ABR: variants seen among roughly 807,000 people sequenced by gnomAD.
ABR encodes the protein ABR activator of RhoGEF and GTPase, also known as active breakpoint cluster region-related protein.
ABR carries 35 observed loss-of-function variants against 107.2 expected under a neutral mutation model. The observed-to-expected ratio is 0.33, with a 90% confidence interval of 0.25 to 0.43. ABR has a LOEUF of 0.43. Ranked by LOEUF, ABR falls within the 20% of genes least tolerant of loss-of-function variation. ABR has a pLI of 1.00. For synonymous variants in ABR, 498 were observed against 462.0 expected, an observed-to-expected ratio of 1.08 and a Z score of -1.00; for missense variants, 815 against 1,115.2, an observed-to-expected ratio of 0.73 and a Z score of 3.83.
intron 1 of ABR, among the ~76,000 whole-genome samples, chr17:1,221,241 T>C (rs189440104): frequency 9.8e-4 from 149 of 152,268 alleles, no homozygotes; most frequent in African/African-American, 2.8e-3. Flanking sequence ...CTCTTATACC[T>C]CGAGGTGACT....
chr17:1,038,215 G>A (rs1408630227), intron 16 of ABR, among the ~76,000 whole-genome samples: 2 of 152,096 alleles, frequency 1.3e-5, no homozygotes, highest in African/African-American at 2.4e-5. Context: ...CTCCTTTCAG[G>A]CATCTACAGC....
At chr17:1,009,901 G>T in intron 20 of ABR, 117 bp from the exon 21 acceptor site, 1 of 875,008 alleles carries the variant, frequency 1.1e-6, no homozygotes, top group Non-Finnish European at 1.8e-6. Flanking sequence ...GGCCTTTGGG[G>T]AGCAGACCCC....
At chr17:1,143,343 A>G (rs372372313) in intron 1 of ABR, among the ~76,000 whole-genome samples, 19 of 1,290 alleles carry the variant, frequency 0.015, no homozygotes, top group East Asian at 0.028. Context: ...GGGACAGCTC[A>G]CTCCTGGGGG....
Position 1,051,530 on chromosome 17 carries a change from G to A in ABR, c.1562-896C>T, listed in dbSNP as rs1043834889. Among the ~76,000 whole-genome samples the A allele has an allele frequency of 6.6e-5, 10 of 152,122 alleles. No individual in the cohort carries two copies. The highest frequency in any genetic ancestry group is 1.4e-4 in the African/African-American group (6 of 41,406). On this transcript the variant is annotated intron_variant, in intron 14 of 22. Transcript: ENST00000302538. The surrounding 1 kb of genome is among the most constrained non-coding windows in gnomAD (Gnocchi z 4.3). Reference sequence around the variant, plus strand: ...ACCCAACTGCTGAGGCCACAGCACCGGCACGGACCCCAGGCCCTCTGCAAA... The same window carrying A: ...ACCCAACTGCTGAGGCCACAGCACCAGCACGGACCCCAGGCCCTCTGCAAA...
intron 16 of ABR, among the ~76,000 whole-genome samples, chr17:1,013,408 CCT>C (rs1370075449): frequency 6.8e-6 from 1 of 146,532 alleles, no homozygotes; most frequent in Non-Finnish European, 1.5e-5. Context: ...CAGGGCACAC[CCT>C]GTTACCCGCC....
At chr17:1,089,404 T>C in intron 4 of ABR, among the ~76,000 whole-genome samples, 1 of 152,226 alleles carries the variant, frequency 6.6e-6, no homozygotes, top group East Asian at 1.9e-4. Context: ...TCCTGTTTTT[T>C]ACAGATGAGG....
chr17:1,068,352 C>T (rs2034932687), intron 9 of ABR, among the ~76,000 whole-genome samples: 1 of 152,248 alleles, frequency 6.6e-6, no homozygotes, highest in African/African-American at 2.4e-5. Context: ...CTGAGCTATA[C>T]TTGGGGGCAC....
intron 16 of ABR, among the ~76,000 whole-genome samples, chr17:1,046,799 C>T (rs1369520406): frequency 6.6e-6 from 1 of 152,230 alleles, no homozygotes; most frequent in East Asian, 1.9e-4. Context: ...GGTACTTAAC[C>T]TCAGTACCCC....
At chr17:1,123,330 C>G (rs532042179) in intron 2 of ABR, among the ~76,000 whole-genome samples, 60 of 152,296 alleles carry the variant, frequency 3.9e-4, no homozygotes, top group South Asian at 3.1e-3. Flanking sequence ...GGGGCAGTCA[C>G]TCTAGCATCT....
intron 1 of ABR, among the ~76,000 whole-genome samples, chr17:1,198,436 T>C (rs1324521085): frequency 6.6e-6 from 1 of 151,398 alleles, no homozygotes; most frequent in Non-Finnish European, 1.5e-5. Flanking sequence ...TCTGCCTGAT[T>C]CTGCAATCAA....
intron 1 of ABR, among the ~76,000 whole-genome samples, chr17:1,144,183 T>C (rs576613771): frequency 6.6e-6 from 1 of 152,202 alleles, no homozygotes; most frequent in South Asian, 2.1e-4. Context: ...GAAAGACAGT[T>C]ATGTGCCCAC....
intron 1 of ABR, among the ~76,000 whole-genome samples, chr17:1,166,428 A>G (rs1336721402): frequency 6.6e-6 from 1 of 152,100 alleles, no homozygotes; most frequent in Non-Finnish European, 1.5e-5. Context: ...TGCAAAAGGC[A>G]CCACACTATG....
intron 1 of ABR, among the ~76,000 whole-genome samples, chr17:1,220,520 G>A (rs1270414822): frequency 2.0e-5 from 3 of 152,176 alleles, no homozygotes; most frequent in African/African-American, 7.2e-5. Flanking sequence ...ACACAGAGCG[G>A]TGGTGCAAAG....
intron 1 of ABR, among the ~76,000 whole-genome samples, chr17:1,209,285 CTT>C (rs913941234): frequency 1.4e-5 from 2 of 144,380 alleles, no homozygotes; most frequent in African/African-American, 2.5e-5. Flanking sequence ...TTGTTTCTTT[CTT>C]TTTTTTTTTG....
chr17:1,029,557 C>T (rs936975398), intron 16 of ABR, among the ~76,000 whole-genome samples: 2 of 152,270 alleles, frequency 1.3e-5, no homozygotes, highest in African/African-American at 2.4e-5. Context: ...GCAAAGTTAA[C>T]GAGGAGTTAA....
intron 16 of ABR, among the ~76,000 whole-genome samples, chr17:1,049,616 A>G (rs1372165171): frequency 1.3e-5 from 2 of 151,932 alleles, no homozygotes; most frequent in East Asian, 3.9e-4. Context: ...GCAGGACCCT[A>G]AGTCTTTCGG....
In ABR at chr17:1,179,571, CG is replaced by C. The variant is rs2042048065; in HGVS notation, c.61+95del. The C allele has an allele frequency of 7.7e-7, 1 of 1,293,702 alleles. No homozygotes were observed. Among genetic ancestry groups the C allele is most frequent in the Non-Finnish European group, 1.0e-6 (1 of 988,584 alleles). The allele number at this position is 1,293,702 out of a possible 1,614,324, so 80.1% of individuals were successfully genotyped here. On this transcript the variant is annotated intron_variant, in intron 1 of 22. Transcript: ENST00000302538. The surrounding 1 kb of genome is among the most constrained non-coding windows in gnomAD (Gnocchi z 4.9). ...CAGCCCGGTGCCTGGGTCCCGATCC[CG>C]ATCTTGGGGTCCCGATCCCGATCCT...
chr17:1,026,820 G>C (rs994558769), intron 16 of ABR, among the ~76,000 whole-genome samples: 16 of 152,242 alleles, frequency 1.1e-4, no homozygotes, highest in African/African-American at 3.9e-4. Context: ...AACCACCTGG[G>C]CAGTGAGCGA....
Position 1,050,441 on chromosome 17 carries a change from T to G in ABR, c.1659+96A>C. The G allele has an allele frequency of 1.7e-6, 2 of 1,205,866 alleles. No individual in the cohort carries two copies. The highest frequency in any genetic ancestry group is 2.4e-5 in the South Asian group (2 of 81,998). The allele number at this position is 1,205,866 out of a possible 1,614,324, so 74.7% of individuals were successfully genotyped here. ...GGGAGCAGAAAGGGGGGTGCAGACATAGCTGGTCCAACCAATGGGCTGGCC... is the reference window on the plus strand; with the variant it reads ...GGGAGCAGAAAGGGGGGTGCAGACAGAGCTGGTCCAACCAATGGGCTGGCC... On this transcript the variant is annotated intron_variant, in intron 15 of 22. Transcript: ENST00000302538. The surrounding 1 kb of genome is among the most constrained non-coding windows in gnomAD (Gnocchi z 4.6).
Sources: gnomAD v4.1 joint callset for allele counts (sites outside exome capture counted in the v4.1 genomes callset) on GRCh38, gnomAD v4.1.1 for gene constraint, Gnocchi (gnomAD v3.1) non-coding constraint, MANE v1.5 for transcripts, NCBI Gene and HGNC (gene_info 2026-07-23, HGNC 2026-07-21) for gene names.